Variants in EDNRA observed in about 807,000 individuals in gnomAD.
The protein encoded by EDNRA is endothelin-1 receptor.
A neutral mutation model predicts 41.4 loss-of-function variants in EDNRA; 11 were observed. That is an observed-to-expected ratio of 0.27 (90% CI 0.17 to 0.44). The LOEUF (loss-of-function observed/expected upper bound fraction) is 0.44, where lower values mean the gene tolerates loss of function less well. EDNRA is among the 20% of genes least tolerant of loss of function. The pLI, the probability that EDNRA is intolerant of heterozygous loss-of-function variation, is 1.00. For synonymous variants in EDNRA, 172 were observed against 183.0 expected, an observed-to-expected ratio of 0.94 and a Z score of 0.49; for missense variants, 294 against 531.0, an observed-to-expected ratio of 0.55 and a Z score of 4.39.
intron 5 of EDNRA, 97 bp from the exon 6 acceptor site, chr4:147,539,720 C>A (rs892130445): frequency 5.8e-6 from 8 of 1,372,558 alleles, no homozygotes; most frequent in Admixed American, 2.3e-5. Context: ...TTGAATTATT[C>A]TTTCTCTGGT....
intron 3 of EDNRA, among the ~76,000 whole-genome samples, chr4:147,529,077 G>T (rs182418822): frequency 1.3e-5 from 2 of 152,338 alleles, no homozygotes; most frequent in East Asian, 1.9e-4. Flanking sequence ...TAACAGGTAC[G>T]ATGGTGAAAA....
At chr4:147,502,862 A>C (rs1729562435) in intron 2 of EDNRA, among the ~76,000 whole-genome samples, 2 of 152,200 alleles carry the variant, frequency 1.3e-5, no homozygotes, top group South Asian at 4.1e-4. Flanking sequence ...ATTTAGCCTA[A>C]TTGCTGAAAT....
chr4:147,500,115 T>C (rs765366290), intron 2 of EDNRA, among the ~76,000 whole-genome samples: 1 of 152,164 alleles, frequency 6.6e-6, no homozygotes, highest in Non-Finnish European at 1.5e-5. Flanking sequence ...TCTAAAAGTC[T>C]TAAAGATAAA....
intron 4 of EDNRA, among the ~76,000 whole-genome samples, chr4:147,534,643 A>G (rs1020325645): frequency 1.3e-5 from 2 of 152,196 alleles, no homozygotes; most frequent in Admixed American, 6.5e-5. Context: ...CAGAACTTCA[A>G]CACTTCAACA....
At chr4:147,536,897 G>A (rs1730939791) in intron 5 of EDNRA, among the ~76,000 whole-genome samples, 1 of 152,166 alleles carries the variant, frequency 6.6e-6, no homozygotes, top group African/African-American at 2.4e-5. Context: ...TGAACTTCTA[G>A]TTTCTCATAA....
At chr4:147,520,143 T>A (rs1179682525) in intron 3 of EDNRA, among the ~76,000 whole-genome samples, 165 bp downstream of exon 3, 1 of 152,214 alleles carries the variant, frequency 6.6e-6, no homozygotes. Flanking sequence ...GCCTTCCACA[T>A]TTGCTGATTA....
At chr4:147,484,220 T>C (rs1023986314) in intron 1 of EDNRA, among the ~76,000 whole-genome samples, 4 of 152,164 alleles carry the variant, frequency 2.6e-5, no homozygotes, top group African/African-American at 9.7e-5. Context: ...CTCCTAGACT[T>C]CCTGGACAGG....
intron 1 of EDNRA, among the ~76,000 whole-genome samples, chr4:147,485,129 T>A (rs1728898867): frequency 6.8e-6 from 1 of 147,018 alleles, no homozygotes; most frequent in African/African-American, 2.5e-5. Flanking sequence ...CTCTTGAAGA[T>A]TTTTGTAATT....
At chr4:147,514,422 G>A (rs1730031868) in intron 2 of EDNRA, among the ~76,000 whole-genome samples, 1 of 152,138 alleles carries the variant, frequency 6.6e-6, no homozygotes, top group South Asian at 2.1e-4. Context: ...TTGGGTGAGA[G>A]TGTAAGGGGA....
intron 2 of EDNRA, among the ~76,000 whole-genome samples, chr4:147,510,062 A>C (rs2126430080): frequency 6.6e-6 from 1 of 152,250 alleles, no homozygotes; most frequent in South Asian, 2.1e-4. Flanking sequence ...AATTTTTAAA[A>C]CCTAAGATGA....
intron 3 of EDNRA, among the ~76,000 whole-genome samples, chr4:147,527,803 T>C (rs996371164): frequency 6.6e-6 from 1 of 152,144 alleles, no homozygotes; most frequent in Non-Finnish European, 1.5e-5. Flanking sequence ...GGTGATATAA[T>C]GCAAAAAGGC....
intron 2 of EDNRA, chr4:147,493,323 AG>A (rs1729200469): frequency 6.6e-6 from 1 of 152,172 alleles, no homozygotes; most frequent in African/African-American, 2.4e-5. Context: ...GATCAATAAA[AG>A]CAGAAGTTCA....
chr4:147,495,768 GT>G (rs1729282174), intron 2 of EDNRA: 1 of 152,180 alleles, frequency 6.6e-6, no homozygotes, highest in South Asian at 2.1e-4. Flanking sequence ...TTTCAGCTGG[GT>G]TAGAAACATC....
chr4:147,506,143 T>A, intron 2 of EDNRA: 1 of 527,792 alleles, frequency 1.9e-6, no homozygotes, highest in Non-Finnish European at 3.8e-6. Context: ...AGAGGTGAAG[T>A]TGGGAAACTG....
chr4:147,535,687 G>T (rs1263273216), intron 4 of EDNRA, among the ~76,000 whole-genome samples, 190 bp from the exon 5 acceptor site: 2 of 152,110 alleles, frequency 1.3e-5, no homozygotes, highest in Non-Finnish European at 2.9e-5. Context: ...TTTAAAGCCA[G>T]GATAATTTCT....
intron 3 of EDNRA, among the ~76,000 whole-genome samples, chr4:147,527,293 G>C (rs1032571227): frequency 6.6e-6 from 1 of 152,110 alleles, no homozygotes; most frequent in African/African-American, 2.4e-5. Context: ...CAAGCTTATA[G>C]GCGTCTTATT....
rs1279051907 is a variant in EDNRA, at chr4:147,486,399, T to C, written c.420+298T>C. The stretch of plus-strand genomic sequence containing the variant: ...CTGGGCTTGCTGGTTGGATAGGCTG[T>C]CTTGGCAAGATCCCTGGATTTTTAT... On this transcript the variant is annotated intron_variant, in intron 2 of 7. Transcript: ENST00000651419. The surrounding 1 kb of genome is among the most constrained non-coding windows in gnomAD (Gnocchi z 4.3). 6.6e-6 allele frequency among the ~76,000 whole-genome samples: 1 copy of C among 152,110 alleles called. No individual in the cohort carries two copies. The highest frequency in any genetic ancestry group is 1.5e-5 in the Non-Finnish European group (1 of 68,020).
intron 2 of EDNRA, among the ~76,000 whole-genome samples, chr4:147,498,266 G>A (rs1407452902): frequency 1.3e-5 from 2 of 152,164 alleles, no homozygotes; most frequent in South Asian, 2.1e-4. Context: ...CCTGCTTTTT[G>A]TTCTGGGGAA....
At position 147,485,771 on chromosome 4, in the gene EDNRA, A is replaced by G; in HGVS notation, c.90A>G (p.Leu30=). 1 of 1,614,244 alleles carries G rather than the reference A, an allele frequency of 6.2e-7. No individual in the cohort carries two copies. The highest frequency in any genetic ancestry group is 1.7e-5 in the Admixed American group (1 of 60,030). ...ATCCTGAGAGATACAGCACAAATCT[A>G]AGCAATCATGTGGATGATTTCACCA... ...SDNPERYSTN[L]SNHVDDFTTF... The change falls in exon 2 of 8, where the codon CTA becomes CTG. Residue 30 remains leucine (L), a synonymous_variant. Coordinates refer to ENST00000651419, the MANE Select transcript of EDNRA (RefSeq NM_001957.4).
Sources: allele counts gnomAD v4.1 joint callset (sites outside exome capture counted in the v4.1 genomes callset), GRCh38; gene constraint gnomAD v4.1.1; non-coding constraint Gnocchi (gnomAD v3.1); transcripts MANE v1.5; gene names NCBI Gene and HGNC (gene_info 2026-07-23, HGNC 2026-07-21).